HAO2: variants seen among roughly 807,000 people sequenced by gnomAD.
The protein encoded by HAO2 is hydroxyacid oxidase 2.
A neutral mutation model predicts 37.4 loss-of-function variants in HAO2; 42 were observed. That is an observed-to-expected ratio of 1.12 (90% CI 0.88 to 1.45). The LOEUF (loss-of-function observed/expected upper bound fraction) is 1.45. Among genes scored for constraint, HAO2 ranks in the 40% most tolerant of loss-of-function variants. The pLI is 0.00. For missense variants in HAO2, 476 were observed against 430.2 expected, an observed-to-expected ratio of 1.11 and a Z score of -0.94; for synonymous variants, 180 against 162.8, an observed-to-expected ratio of 1.11 and a Z score of -0.81.
At chr1:119,387,452 G>GT (rs1375317005) in intron 5 of HAO2, among the ~76,000 whole-genome samples, 3 of 152,142 alleles carry the variant, frequency 2.0e-5, no homozygotes, top group Admixed American at 6.5e-5. Context: ...GAGAAATGAG[G>GT]TTTTTTCCTC....
At chr1:119,388,129 C>T (rs1650533945) in intron 5 of HAO2, among the ~76,000 whole-genome samples, 2 of 152,172 alleles carry the variant, frequency 1.3e-5, no homozygotes, top group Admixed American at 1.3e-4. Flanking sequence ...TGAGCACACA[C>T]TGAGCTCTCT....
Position 119,393,861 on chromosome 1 carries a change from G to C in HAO2, c.*21G>C, listed in dbSNP as rs1651115977. ...TGTAAGAAAAAAGGGCCAATAACCA[G>C]ACTGCTGAGGTTGCCCACAGGAGGA... On this transcript the variant is annotated 3_prime_UTR_variant, in exon 8 of 8. Coordinates refer to ENST00000325945, the MANE Select transcript of HAO2 (RefSeq NM_016527.4). The C allele has an allele frequency of 6.2e-7, 1 of 1,612,202 alleles. No individual in the cohort carries two copies. Among genetic ancestry groups the C allele is most frequent in the African/African-American group, 1.3e-5 (1 of 74,820 alleles).
chr1:119,392,590 TG>T (rs1329691740), intron 6 of HAO2, 27 bp from the exon 7 acceptor site: 1 of 1,480,956 alleles, frequency 6.8e-7, no homozygotes. Context: ...TGTCTCTTTG[TG>T]TCTCTGTCTG....
intron 1 of HAO2, among the ~76,000 whole-genome samples, chr1:119,373,113 C>G (rs1649166266): frequency 6.6e-6 from 1 of 152,206 alleles, no homozygotes; most frequent in Admixed American, 6.5e-5. Flanking sequence ...CTTGAAGCAG[C>G]CTGCCTCTCA....
Position 119,386,744 on chromosome 1 carries a change from G to C in HAO2, c.684G>C (p.Glu228Asp). ...PIILKGILTK[E>D]DAELAVKHNV... ...TCCTGAAAGGGATTTTGACAAAAGA[G>C]GATGCAGAGTTAGCTGTGAAGCACA... The change falls in exon 5 of 8, where the codon GAG becomes GAC. Residue 228 changes from glutamate (E) to aspartate (D), a missense_variant. Glu to Asp is a conservative substitution (Grantham distance 45). Coordinates refer to ENST00000325945, the MANE Select transcript of HAO2 (RefSeq NM_016527.4). The C allele has an allele frequency of 6.2e-7, 1 of 1,613,704 alleles. No homozygotes were observed. Among genetic ancestry groups the C allele is most frequent in the Non-Finnish European group, 8.5e-7 (1 of 1,179,614 alleles).
At chr1:119,375,987 T>C (rs1016028279) in intron 1 of HAO2, among the ~76,000 whole-genome samples, 1 of 152,186 alleles carries the variant, frequency 6.6e-6, no homozygotes, top group African/African-American at 2.4e-5. Context: ...ACTCCACTCC[T>C]GGCCCCTCAC....
chr1:119,383,491 C>T (rs1348116804), intron 3 of HAO2, among the ~76,000 whole-genome samples: 1 of 152,146 alleles, frequency 6.6e-6, no homozygotes, highest in Non-Finnish European at 1.5e-5. Context: ...GACATTAGGT[C>T]CTAACACAAG....
At chr1:119,369,626 C>G (rs2101153776) in intron 1 of HAO2, among the ~76,000 whole-genome samples, 1 of 152,260 alleles carries the variant, frequency 6.6e-6, no homozygotes, top group East Asian at 1.9e-4. Context: ...TCACAAGATC[C>G]CTATGAGATA....
chr1:119,385,324 G>A, intron 4 of HAO2: 1 of 985,346 alleles, frequency 1.0e-6, no homozygotes, highest in Non-Finnish European at 1.2e-6. Context: ...TGGATGCTGA[G>A]AAATAGGAAA....
rs750519852 is a variant in HAO2, at chr1:119,384,923, G to T, written c.431G>T (p.Arg144Met). The change falls in exon 4 of 8, where the codon AGG becomes ATG. Residue 144 changes from arginine to methionine, a missense_variant. By Grantham distance (91) the Arg-to-Met change is moderately conservative. Coordinates refer to ENST00000325945, the MANE Select transcript of HAO2 (RefSeq NM_016527.4). ...DLQLNKQLIQRVESLGFKALV... is the reference protein window; with the variant it reads ...DLQLNKQLIQMVESLGFKALV... ...CAGCTGAACAAACAGTTGATCCAGA[G>T]GGTAGAATCCCTAGGTTTCAAAGCT... 1 of 1,614,056 alleles carries T rather than the reference G, an allele frequency of 6.2e-7. No individual in the cohort carries two copies. The highest frequency in any genetic ancestry group is 1.7e-4 in the Middle Eastern group (1 of 6,060).
chr1:119,384,250 A>G (rs934755458), intron 3 of HAO2, among the ~76,000 whole-genome samples: 5 of 152,202 alleles, frequency 3.3e-5, no homozygotes, highest in African/African-American at 1.2e-4. Context: ...CAACAATCCT[A>G]AAGACATGTA....
At chr1:119,369,001 T>C (rs1648734772) in intron 1 of HAO2, 99 bp downstream of exon 1, 1 of 151,748 alleles carries the variant, frequency 6.6e-6, no homozygotes, top group South Asian at 2.1e-4. Flanking sequence ...CAACTATGAG[T>C]TTGCAAGGCA....
intron 1 of HAO2, among the ~76,000 whole-genome samples, chr1:119,369,728 G>A (rs1431705801): frequency 6.6e-6 from 1 of 152,122 alleles, no homozygotes; most frequent in Admixed American, 6.5e-5. Context: ...TCATTTGAGA[G>A]GTAATGGGAA....
Position 119,382,921 on chromosome 1 carries a change from C to T in HAO2, c.138C>T (p.Arg46=). The change falls in exon 3 of 8, where the codon CGC becomes CGT. Residue 46 remains arginine, a synonymous_variant. Transcript: ENST00000325945. The part of the protein sequence containing the change: ...DDNIAAFKRI[R]LRPRYLRDVS... ...TCTTTGTTGTCCGGCACAGAATTCG[C>T]CTCCGTCCGCGGTACCTGAGAGATG... 1 of 1,613,426 alleles carries T rather than the reference C, an allele frequency of 6.2e-7. No homozygotes were observed. Among genetic ancestry groups the T allele is most frequent in the East Asian group, 2.2e-5 (1 of 44,804 alleles).
rs965040719 is a variant in HAO2, at chr1:119,391,273, A to T, written c.772-837A>T. Among the ~76,000 whole-genome samples, 24 of 152,218 alleles carry T rather than the reference A, an allele frequency of 1.6e-4. No homozygotes were observed. The East Asian group carries it at 4.3e-3, about 27-fold the overall frequency. On this transcript the variant is annotated intron_variant, in intron 5 of 7. Coordinates refer to ENST00000325945, the MANE Select transcript of HAO2 (RefSeq NM_016527.4). ...ATCCCTCAGAGAAGCACAGACAAAA[A>T]CCCTGAGGGTGTTCCAGAACTCCCT...
intron 4 of HAO2, chr1:119,385,680 C>CAG (rs1650325268): frequency 2.0e-6 from 2 of 985,190 alleles, no homozygotes; most frequent in Admixed American, 6.2e-5. Flanking sequence ...AGAAGTGCCT[C>CAG]AGAGAGAGAC....
chr1:119,382,459 T>C (rs1650029856), intron 2 of HAO2, among the ~76,000 whole-genome samples: 1 of 152,192 alleles, frequency 6.6e-6, no homozygotes, highest in Non-Finnish European at 1.5e-5. Flanking sequence ...CCCTGGGATT[T>C]GTTCTCATTC....
At chr1:119,378,726 T>C (rs190822198) in intron 1 of HAO2, among the ~76,000 whole-genome samples, 5 of 152,344 alleles carry the variant, frequency 3.3e-5, no homozygotes, top group East Asian at 1.9e-4. Context: ...ATAATGTTTG[T>C]GGCATTTATA....
intron 1 of HAO2, among the ~76,000 whole-genome samples, chr1:119,375,896 A>C (rs587672417): frequency 2.0e-5 from 3 of 152,258 alleles, no homozygotes; most frequent in African/African-American, 7.2e-5. Flanking sequence ...ACCTCCCACC[A>C]GGACCCTCCT....
Sources: allele counts gnomAD v4.1 joint callset (sites outside exome capture counted in the v4.1 genomes callset), GRCh38; gene constraint gnomAD v4.1.1; transcripts MANE v1.5; gene names NCBI Gene and HGNC (gene_info 2026-07-23, HGNC 2026-07-21).